STX8: variants seen among roughly 807,000 people sequenced by gnomAD.
STX8 encodes syntaxin-8.
In STX8, 23 loss-of-function variants were observed where a neutral mutation model predicts 37.5. The observed-to-expected ratio is 0.61, with a 90% confidence interval of 0.44 to 0.87. STX8 has a LOEUF of 0.87. STX8 is among the 40% of genes least tolerant of loss of function. STX8 has a pLI of 0.00. For synonymous variants in STX8, 115 were observed against 99.1 expected (o/e 1.16, Z -0.95); for missense variants, 313 against 284.7 (o/e 1.10, Z -0.71).
chr17:9,360,524 C>T lies in STX8; in HGVS notation c.643+18028G>A, dbSNP rs566151474. Among the ~76,000 whole-genome samples the T allele has an allele frequency of 1.4e-4, 22 of 152,018 alleles. No individual in the cohort carries two copies. In the South Asian group the frequency reaches 2.9e-3, roughly 20 times the overall value. On this transcript the variant is annotated intron_variant, in intron 7 of 7. Coordinates refer to ENST00000306357, the MANE Select transcript of STX8 (RefSeq NM_004853.3). Reference sequence around the variant, plus strand: ...GTGCTGGGATTACAGTGTTGAGCTACCATCTCTACTATATTTACTCACTTT... The same window carrying T: ...GTGCTGGGATTACAGTGTTGAGCTATCATCTCTACTATATTTACTCACTTT...
chr17:9,543,867 A>G lies in STX8; in HGVS notation c.323+1305T>C, dbSNP rs574262275. ...ACAGAAGCAACTTAACATTTCATCT[A>G]CCTTCCTGTATTTCACAGTTTCTTC... On this transcript the variant is annotated intron_variant, in intron 4 of 7. Transcript: ENST00000306357. Among the ~76,000 whole-genome samples the G allele has an allele frequency of 7.2e-5, 11 of 152,146 alleles. No individual in the cohort carries two copies. The East Asian group carries it at 2.1e-3, about 29-fold the overall frequency.
intron 6 of STX8, among the ~76,000 whole-genome samples, chr17:9,400,170 T>G (rs1405477519): frequency 1.3e-5 from 2 of 151,514 alleles, no homozygotes; most frequent in African/African-American, 4.8e-5. Flanking sequence ...TGGCGCGATC[T>G]TGGCTAACTG....
At chr17:9,284,770 G>T (rs1401040062) in intron 7 of STX8, among the ~76,000 whole-genome samples, 1 of 152,126 alleles carries the variant, frequency 6.6e-6, no homozygotes, top group East Asian at 1.9e-4. Flanking sequence ...AGCAGAATTA[G>T]AAAACTTCAA....
At chr17:9,410,309 GT>G (rs1288425957) in intron 6 of STX8, among the ~76,000 whole-genome samples, 5 of 152,176 alleles carry the variant, frequency 3.3e-5, no homozygotes, top group Non-Finnish European at 5.9e-5. Flanking sequence ...CTCAAAGCAT[GT>G]ATAAGTAAAA....
chr17:9,541,616 G>C (rs543733566), intron 4 of STX8, among the ~76,000 whole-genome samples: 1 of 152,208 alleles, frequency 6.6e-6, no homozygotes. Context: ...TGACAGACTA[G>C]AAAGCTACAG....
At chr17:9,329,875 G>C (rs1909906361) in intron 7 of STX8, among the ~76,000 whole-genome samples, 1 of 152,140 alleles carries the variant, frequency 6.6e-6, no homozygotes, top group Admixed American at 6.5e-5. Context: ...ATCCTGTAAG[G>C]GCAATAGGGT....
chr17:9,257,782 G>A (rs1006809753), intron 7 of STX8, among the ~76,000 whole-genome samples: 2 of 152,216 alleles, frequency 1.3e-5, no homozygotes, highest in Non-Finnish European at 2.9e-5. Flanking sequence ...GAGGTCAGGA[G>A]ATTGAGACCA....
intron 7 of STX8, among the ~76,000 whole-genome samples, chr17:9,264,315 C>A (rs893159106): frequency 2.0e-5 from 3 of 152,138 alleles, no homozygotes; most frequent in African/African-American, 7.2e-5. Context: ...TGATCTTTTA[C>A]CTTTTTTGAG....
At chr17:9,320,964 TAACTC>T (rs1252059172) in intron 7 of STX8, among the ~76,000 whole-genome samples, 2 of 150,490 alleles carry the variant, frequency 1.3e-5, no homozygotes, top group African/African-American at 4.9e-5. Flanking sequence ...AAAAAAAACT[TAACTC>T]TAGTTAAATT....
At chr17:9,575,725 C>G in intron 1 of STX8, 67 bp downstream of exon 1, 2 of 1,538,318 alleles carry the variant, frequency 1.3e-6, no homozygotes, top group Non-Finnish European at 1.8e-6. Flanking sequence ...AAGTGATTGC[C>G]TGCTCTCCGG....
intron 6 of STX8, among the ~76,000 whole-genome samples, chr17:9,413,889 T>TCGATC (rs747457985): frequency 3.0e-4 from 46 of 151,670 alleles, no homozygotes; most frequent in Non-Finnish European, 4.0e-4. Context: ...GATCCATCCA[T>TCGATC]CGATCCATCC....
intron 5 of STX8, among the ~76,000 whole-genome samples, chr17:9,501,962 C>G (rs542328277): frequency 2.6e-5 from 4 of 152,056 alleles, no homozygotes; most frequent in Non-Finnish European, 2.9e-5. Context: ...GAGCAAGACT[C>G]TGTCTCAAAA....
At chr17:9,482,099 G>A (rs1445862534) in intron 6 of STX8, among the ~76,000 whole-genome samples, 1 of 152,108 alleles carries the variant, frequency 6.6e-6, no homozygotes, top group Non-Finnish European at 1.5e-5. Context: ...TTCATCCCAG[G>A]AGCTCCAGGC....
chr17:9,335,409 T>C (rs1305024589), intron 7 of STX8, among the ~76,000 whole-genome samples: 1 of 152,246 alleles, frequency 6.6e-6, no homozygotes, highest in African/African-American at 2.4e-5. Context: ...ACAGCACTAA[T>C]CCACTGATGA....
At chr17:9,536,747 ATTTT>A (rs140609634) in intron 4 of STX8, among the ~76,000 whole-genome samples, 2 of 145,284 alleles carry the variant, frequency 1.4e-5, no homozygotes, top group African/African-American at 5.1e-5. Context: ...GCTTATTATT[ATTTT>A]TTTTTTTTTG....
intron 6 of STX8, among the ~76,000 whole-genome samples, chr17:9,485,739 C>A (rs930778222): frequency 2.0e-5 from 3 of 152,036 alleles, no homozygotes; most frequent in African/African-American, 7.2e-5. Flanking sequence ...GCATGTGCCA[C>A]CACACCCAGC....
At chr17:9,479,025 G>A (rs780742621) in intron 6 of STX8, among the ~76,000 whole-genome samples, 7 of 152,172 alleles carry the variant, frequency 4.6e-5, no homozygotes, top group Non-Finnish European at 7.3e-5. Context: ...GTGTAGGAAT[G>A]ATAAAGGAAG....
At chr17:9,416,395 A>C (rs1766679173) in intron 6 of STX8, among the ~76,000 whole-genome samples, 1 of 144,478 alleles carries the variant, frequency 6.9e-6, no homozygotes, top group African/African-American at 2.9e-5. Flanking sequence ...TTTAAGATGG[A>C]GTCTCGCTCT....
intron 7 of STX8, among the ~76,000 whole-genome samples, chr17:9,260,142 G>A (rs368722379): frequency 2.0e-5 from 3 of 152,068 alleles, no homozygotes; most frequent in Admixed American, 6.6e-5. Flanking sequence ...GCAACAATGC[G>A]AGATCCCACC....
Sources: allele counts gnomAD v4.1 joint callset (sites outside exome capture counted in the v4.1 genomes callset), GRCh38; gene constraint gnomAD v4.1.1; transcripts MANE v1.5; gene names NCBI Gene and HGNC (gene_info 2026-07-23, HGNC 2026-07-21).